Variants in DRC1 observed in about 807,000 individuals in gnomAD.
DRC1 encodes dynein regulatory complex subunit 1, also known as dynein regulatory complex protein 1.
Under a neutral mutation model 98.7 loss-of-function variants are expected in DRC1, and 74 were observed. That is an observed-to-expected ratio of 0.75 (90% CI 0.62 to 0.91). The LOEUF is 0.91. Among genes scored for constraint, DRC1 ranks in the 40% least tolerant of loss-of-function variants. The probability of loss-of-function intolerance (pLI) is 0.00; values close to 1 mark genes in which losing one functional copy is unlikely to be tolerated. For synonymous variants in DRC1, 336 were observed against 334.1 expected (o/e 1.01, Z -0.06); for missense variants, 875 against 886.0 (o/e 0.99, Z 0.16).
In DRC1 at chr2:26,439,948, TACAC is replaced by T. The variant is rs201091945; in HGVS notation, c.889-418_889-415del. ...ATATATATATATATACACACACACA[TACAC>T]ACACACACACATATATATATACACA... On this transcript the variant is annotated intron_variant, in intron 7 of 16. Coordinates refer to ENST00000288710, the MANE Select transcript of DRC1 (RefSeq NM_145038.5). Among the ~76,000 whole-genome samples, 8 of 124,852 alleles carry T rather than the reference TACAC, an allele frequency of 6.4e-5. 1 individual carries two copies. The highest frequency in any genetic ancestry group is 2.4e-4 in the African/African-American group (8 of 33,546). The allele number at this position is 124,852 out of a possible 152,430, so 81.9% of individuals were successfully genotyped here.
chr2:26,434,700 G>A (rs1380651726), intron 7 of DRC1, among the ~76,000 whole-genome samples: 3 of 152,088 alleles, frequency 2.0e-5, no homozygotes, highest in Non-Finnish European at 4.4e-5. Flanking sequence ...GATCATCCTG[G>A]CTAACATGGT....
At chr2:26,412,303 G>T (rs1678639361) in intron 1 of DRC1, among the ~76,000 whole-genome samples, 1 of 152,166 alleles carries the variant, frequency 6.6e-6, no homozygotes, top group African/African-American at 2.4e-5. Context: ...AGGAGGCAGA[G>T]GTTGCAGTGA....
intron 1 of DRC1, among the ~76,000 whole-genome samples, chr2:26,403,694 C>T (rs973262637): frequency 1.4e-4 from 21 of 150,148 alleles, no homozygotes; most frequent in African/African-American, 4.4e-4. Flanking sequence ...ACTTGGGAGG[C>T]TGAGGCAGGA....
At chr2:26,422,753 T>A (rs1370983697) in intron 3 of DRC1, among the ~76,000 whole-genome samples, 1 of 151,954 alleles carries the variant, frequency 6.6e-6, no homozygotes, top group Non-Finnish European at 1.5e-5. Flanking sequence ...CCGTCTCTAC[T>A]AAGAACACAA....
chr2:26,454,573 C>T lies in DRC1; in HGVS notation c.1920-74C>T. 4.4e-6 allele frequency: 7 copies of T among 1,579,748 alleles called. No homozygotes were observed. In the South Asian group the frequency reaches 7.0e-5, roughly 16 times the overall value. ...AGGTGACAGGTGGGAAAGCAGTAGGCCTGTGACTGGCACTGCCTGGGGGCC... is the reference window on the plus strand; with the variant it reads ...AGGTGACAGGTGGGAAAGCAGTAGGTCTGTGACTGGCACTGCCTGGGGGCC... On this transcript the variant is annotated intron_variant, in intron 14 of 16. Transcript: ENST00000288710. This position sits in a 1 kb window ranked among gnomAD's most constrained non-coding sequence, Gnocchi z 5.2.
At chr2:26,421,526 TCTCC>T (rs1374669154) in intron 3 of DRC1, 126 bp downstream of exon 3, 15 of 512,112 alleles carry the variant, frequency 2.9e-5, no homozygotes, top group East Asian at 3.7e-5. Context: ...CCTTATAACT[TCTCC>T]CTCCCTCCCT....
intron 8 of DRC1, among the ~76,000 whole-genome samples, chr2:26,441,029 T>G (rs1020851027): frequency 3.9e-5 from 6 of 152,228 alleles, no homozygotes; most frequent in Non-Finnish European, 8.8e-5. Flanking sequence ...TAAGTACTCA[T>G]GACATGTGCC....
chr2:26,413,676 C>T (rs1293664278), intron 1 of DRC1, among the ~76,000 whole-genome samples: 2 of 152,042 alleles, frequency 1.3e-5, no homozygotes, highest in African/African-American at 4.8e-5. Context: ...GGTATTTTGT[C>T]TTTTGTTTAT....
chr2:26,453,659 G>C, intron 14 of DRC1, 110 bp downstream of exon 14: 1 of 1,117,578 alleles, frequency 8.9e-7, no homozygotes, highest in Non-Finnish European at 1.3e-6. Flanking sequence ...GGCAAGATGC[G>C]GGGACTAAGG....
Position 26,402,048 on chromosome 2 carries a change from C to A in DRC1, c.59C>A (p.Thr20Asn). The A allele has an allele frequency of 1.2e-6, 2 of 1,613,340 alleles. No homozygotes were observed. Among genetic ancestry groups the A allele is most frequent in the Non-Finnish European group, 1.7e-6 (2 of 1,179,808 alleles). ...CCGAACGTGGACGAGCACTTGTCCA[C>A]CCAGATTCTCGCGCCCTCGGTCCAC... The part of the protein sequence containing the change: ...LDPNVDEHLS[T>N]QILAPSVHSD... Residue 20 changes from threonine to asparagine, a missense_variant, in exon 1 of 17, where the codon ACC (threonine) becomes AAC (asparagine). Physicochemically the swap from Thr to Asn is moderately conservative, Grantham distance 65. Transcript: ENST00000288710.
At chr2:26,403,437 G>C (rs1678316588) in intron 1 of DRC1, among the ~76,000 whole-genome samples, 1 of 152,048 alleles carries the variant, frequency 6.6e-6, no homozygotes, top group Non-Finnish European at 1.5e-5. Context: ...ATTCATCCTA[G>C]TCTTTTTTTA....
chr2:26,439,900 A>G (rs1663665830), intron 7 of DRC1, among the ~76,000 whole-genome samples: 2 of 42,694 alleles, frequency 4.7e-5, no homozygotes, highest in South Asian at 1.7e-3. Context: ...GAGGCCCACA[A>G]GCTAGGGCCA....
At chr2:26,431,182 C>T (rs1221466891) in intron 6 of DRC1, among the ~76,000 whole-genome samples, 2 of 152,158 alleles carry the variant, frequency 1.3e-5, no homozygotes, top group African/African-American at 4.8e-5. Flanking sequence ...TCTCGATCTC[C>T]TGACCTCATG....
rs1272946312 is a variant in DRC1 at position 26,404,099 on chromosome 2, C to CA, written c.155+1967dup. 5.3e-3 allele frequency among the ~76,000 whole-genome samples: 742 copies of CA among 139,832 alleles called. 3 individuals are homozygous for CA. Among genetic ancestry groups the CA allele is most frequent in the African/African-American group, 0.013 (508 of 38,006 alleles). 91.7% of individuals were successfully genotyped at this position (139,832 alleles called of 152,430 possible). On this transcript the variant is annotated intron_variant, in intron 1 of 16. Transcript: ENST00000288710. ...TGGGCGACAGAGCGAGACTCTGTCT[C>CA]AAAAAAAAAAAATTGTAAAAATCAT...
At chr2:26,431,833 G>T in intron 6 of DRC1, 51 bp from the exon 7 acceptor site, 1 of 1,606,976 alleles carries the variant, frequency 6.2e-7, no homozygotes, top group Non-Finnish European at 8.5e-7. Context: ...GAAGGATTGA[G>T]GTGGGGCAAG....
At chr2:26,423,187 C>T (rs1185347371) in intron 3 of DRC1, among the ~76,000 whole-genome samples, 2 of 152,116 alleles carry the variant, frequency 1.3e-5, no homozygotes, top group African/African-American at 2.4e-5. Context: ...TAGGCCTTGT[C>T]CTCTAGCCAC....
intron 1 of DRC1, among the ~76,000 whole-genome samples, chr2:26,412,875 C>CG (rs1191818865): frequency 6.6e-6 from 1 of 152,130 alleles, no homozygotes; most frequent in Non-Finnish European, 1.5e-5. Flanking sequence ...CTCCGCCTCC[C>CG]GGGTTCACGC....
chr2:26,420,401 G>A (rs11885774), intron 2 of DRC1, among the ~76,000 whole-genome samples: 2,970 of 152,046 alleles, frequency 0.02, 82 homozygotes, highest in African/African-American at 0.067. Context: ...CTGCCTCACT[G>A]TCATTATCTG....
chr2:26,430,782 G>A lies in DRC1; in HGVS notation c.679-4G>A, dbSNP rs762632039. ...GCAAGAGTGTTTTTCCTTCTTGGTC[G>A]TAGAAAGCATTTGAGGTGGAACGCC... On this transcript the variant is annotated splice_polypyrimidine_tract_variant and splice_region_variant and intron_variant, in intron 5 of 16. Coordinates refer to ENST00000288710, the MANE Select transcript of DRC1 (RefSeq NM_145038.5). 2.1e-5 allele frequency: 34 copies of A among 1,613,644 alleles called. No homozygotes were observed. The highest frequency in any genetic ancestry group is 1.5e-4 in the African/African-American group (11 of 74,890).
Sources: gnomAD v4.1 joint callset for allele counts (sites outside exome capture counted in the v4.1 genomes callset) on GRCh38, gnomAD v4.1.1 for gene constraint, Gnocchi (gnomAD v3.1) non-coding constraint, MANE v1.5 for transcripts, NCBI Gene and HGNC (gene_info 2026-07-23, HGNC 2026-07-21) for gene names.